The following EEF1AKMT3 variants were observed in gnomAD, a reference collection of about 807,000 sequenced individuals.
EEF1AKMT3 encodes the protein eEF1A-KMT3.
EEF1AKMT3 carries 17 observed loss-of-function variants against 17.8 expected under a neutral mutation model. The ratio of observed to expected loss-of-function variants is 0.96; its 90% CI spans 0.65 to 1.43. EEF1AKMT3 has a LOEUF of 1.43. Ranked by LOEUF, EEF1AKMT3 falls within the 40% of genes most tolerant of loss-of-function variation. The probability of loss-of-function intolerance (pLI) is 0.00; values close to 1 mark genes in which losing one functional copy is unlikely to be tolerated. For missense variants in EEF1AKMT3, 244 were observed against 285.8 expected (o/e 0.85, Z 1.06); for synonymous variants, 116 against 126.5 (o/e 0.92, Z 0.56).
rs1484580623 is a variant in EEF1AKMT3 at position 57,772,690 on chromosome 12, G to A, written c.-35G>A. The A allele has an allele frequency of 2.5e-6, 4 of 1,586,522 alleles. No homozygotes were observed. The highest frequency in any genetic ancestry group is 3.4e-6 in the Non-Finnish European group (4 of 1,166,116). ...GCTCCGGATCCGGGATCTGAGCGCC[G>A]GCCGCGGTGCCCAGGCACTCCCTTG... On this transcript the variant is annotated 5_prime_UTR_variant, in exon 1 of 3. Transcript: ENST00000300209. The surrounding 1 kb of genome is among the most constrained non-coding windows in gnomAD (Gnocchi z 4.1).
rs1955452994 is a variant in EEF1AKMT3, at chr12:57,772,957, C to G, written c.177+56C>G. 5 of 1,612,958 alleles carry G rather than the reference C, an allele frequency of 3.1e-6. No homozygotes were observed. In the Admixed American group the frequency reaches 8.3e-5, roughly 27 times the overall value. Reference sequence around the variant, plus strand: ...CGTGGGAGGTCCAGATCCCGGACTCCGCCTCTCCCATATGGAGCCATCCTC... The same window carrying G: ...CGTGGGAGGTCCAGATCCCGGACTCGGCCTCTCCCATATGGAGCCATCCTC... On this transcript the variant is annotated intron_variant, in intron 1 of 2. Transcript: ENST00000300209. The surrounding 1 kb of genome is among the most constrained non-coding windows in gnomAD (Gnocchi z 4.1).
intron 2 of EEF1AKMT3, among the ~76,000 whole-genome samples, chr12:57,776,905 C>T (rs1186484320): frequency 6.6e-6 from 1 of 152,172 alleles, no homozygotes; most frequent in Admixed American, 6.5e-5. Context: ...CCTGCCTTGG[C>T]CTCCCAAGGT....
In EEF1AKMT3 at chr12:57,780,354, C is replaced by T. The variant is rs373117884; in HGVS notation, c.389C>T (p.Ala130Val). The T allele has an allele frequency of 3.7e-6, 6 of 1,614,162 alleles. No individual in the cohort carries two copies. In the South Asian group the frequency reaches 5.5e-5, roughly 15 times the overall value. ...GCTGGAGGCCAGGCCCAGGTGCGTGCCTTGTCCTGGGGGATTGACCATCAT... is the reference window on the plus strand; with the variant it reads ...GCTGGAGGCCAGGCCCAGGTGCGTGTCTTGTCCTGGGGGATTGACCATCAT... ...VPAGGQAQVR[A>V]LSWGIDHHVF... Residue 130 changes from alanine (A) to valine (V), a missense_variant, in exon 3 of 3, where the codon GCC (alanine) becomes GTC (valine). Transcript: ENST00000300209.
intron 2 of EEF1AKMT3, 110 bp downstream of exon 2, chr12:57,773,238 C>G: frequency 9.9e-7 from 1 of 1,010,654 alleles, no homozygotes; most frequent in Admixed American, 2.4e-5. Context: ...CAGTCTAACC[C>G]CTTCTTTTTA....
At chr12:57,777,943 T>C (rs10877018) in intron 2 of EEF1AKMT3, among the ~76,000 whole-genome samples, 48,825 of 146,996 alleles carry the variant, frequency 0.33, 8,433 homozygotes, top group East Asian at 0.66. Context: ...TGCTTAAACC[T>C]GGGAGGCGGA....
Position 57,780,252 on chromosome 12 carries a change from C to A in EEF1AKMT3, c.290-3C>A, listed in dbSNP as rs1422612241. On this transcript the variant is annotated splice_polypyrimidine_tract_variant and splice_region_variant and intron_variant, in intron 2 of 2. Transcript: ENST00000300209. ...TGCATTTTTCCTCCTTCCTCTCTCT[C>A]AGGGGGGGATGTTACCATCACTGAC... is the stretch of plus-strand genomic sequence containing the variant. 7.5e-6 allele frequency: 12 copies of A among 1,610,458 alleles called. No homozygotes were observed. Among genetic ancestry groups the A allele is most frequent in the African/African-American group, 1.3e-5 (1 of 74,652 alleles).
In EEF1AKMT3 at chr12:57,780,372, A is replaced by G. The variant is rs776499535; in HGVS notation, c.407A>G (p.Asp136Gly). 12 of 1,613,994 alleles carry G rather than the reference A, an allele frequency of 7.4e-6. No individual in the cohort carries two copies. Among genetic ancestry groups the G allele is most frequent in the East Asian group, 4.5e-5 (2 of 44,876 alleles). The change falls in exon 3 of 3, where the codon GAC becomes GGC. Residue 136 changes from aspartate (D) to glycine (G), a missense_variant. Physicochemically the swap from Asp to Gly is moderately conservative, Grantham distance 94. Transcript: ENST00000300209. ...AQVRALSWGI[D>G]HHVFPANYDL... ...GTGCGTGCCTTGTCCTGGGGGATTG[A>G]CCATCATGTCTTCCCTGCAAACTAT...
chr12:57,779,655 C>T (rs1392581237), intron 2 of EEF1AKMT3, among the ~76,000 whole-genome samples: 1 of 136,964 alleles, frequency 7.3e-6, no homozygotes, highest in African/African-American at 2.5e-5. Flanking sequence ...CTAATCTGAC[C>T]ATCTTCACCC....
intron 2 of EEF1AKMT3, among the ~76,000 whole-genome samples, chr12:57,776,737 G>A (rs1046293383): frequency 3.3e-5 from 5 of 152,058 alleles, no homozygotes; most frequent in African/African-American, 1.2e-4. Flanking sequence ...TGCAACCTCT[G>A]CTTCCCAGGT....
intron 2 of EEF1AKMT3, among the ~76,000 whole-genome samples, chr12:57,779,700 G>A (rs909739736): frequency 2.6e-5 from 4 of 152,084 alleles, no homozygotes; most frequent in Non-Finnish European, 4.4e-5. Context: ...CCTCAGTATC[G>A]AACCTGAATC....
chr12:57,780,882 T>C lies in EEF1AKMT3; in HGVS notation c.*236T>C. On this transcript the variant is annotated 3_prime_UTR_variant, in exon 3 of 3. Coordinates refer to ENST00000300209, the MANE Select transcript of EEF1AKMT3 (RefSeq NM_015433.3). Reference sequence around the variant, plus strand: ...CACTAGTGTTAGAACACCAAGGAGGTTCCTGGCTCCTGTTCTCAGAGAAGG... The same window carrying C: ...CACTAGTGTTAGAACACCAAGGAGGCTCCTGGCTCCTGTTCTCAGAGAAGG... 1 of 573,432 alleles carries C rather than the reference T, an allele frequency of 1.7e-6. No homozygotes were observed. Among genetic ancestry groups the C allele is most frequent in the Non-Finnish European group, 3.0e-6 (1 of 328,260 alleles). The allele number at this position is 573,432 out of a possible 1,614,324, so 35.5% of individuals were successfully genotyped here. A position where few individuals can be genotyped will look rare whatever the true frequency, so the allele number is the denominator to read the frequency against.
rs1955511814 is a variant in EEF1AKMT3 at position 57,781,147 on chromosome 12, C to T, written c.*501C>T. Reference sequence around the variant, plus strand: ...GATCACAGCTCACTGCAGCCTCAACCTCTGAAGGCCCAGATGATCTTCCTG... The same window carrying T: ...GATCACAGCTCACTGCAGCCTCAACTTCTGAAGGCCCAGATGATCTTCCTG... On this transcript the variant is annotated 3_prime_UTR_variant, in exon 3 of 3. Transcript: ENST00000300209. 1 of 157,006 alleles carries T rather than the reference C, an allele frequency of 6.4e-6. No homozygotes were observed. Among genetic ancestry groups the T allele is most frequent in the African/African-American group, 2.4e-5 (1 of 41,090 alleles). The allele number at this position is 157,006 out of a possible 1,614,324, so 9.7% of individuals were successfully genotyped here. A position where few individuals can be genotyped will look rare whatever the true frequency, so the allele number is the denominator to read the frequency against.
intron 2 of EEF1AKMT3, among the ~76,000 whole-genome samples, chr12:57,773,500 T>A (rs543568553): frequency 6.6e-6 from 1 of 152,110 alleles, no homozygotes; most frequent in Non-Finnish European, 1.5e-5. Flanking sequence ...CTATCCCCAC[T>A]AACTGCAACC....
intron 2 of EEF1AKMT3, among the ~76,000 whole-genome samples, chr12:57,773,810 G>T (rs1955462796): frequency 6.6e-6 from 1 of 152,172 alleles, no homozygotes; most frequent in Non-Finnish European, 1.5e-5. Flanking sequence ...TGCACATATG[G>T]GGGTACTCTG....
At chr12:57,773,240 T>G in intron 2 of EEF1AKMT3, 112 bp downstream of exon 2, 1 of 980,640 alleles carries the variant, frequency 1.0e-6, no homozygotes, top group Non-Finnish European at 1.5e-6. Flanking sequence ...GTCTAACCCC[T>G]TCTTTTTAAC....
rs746889605 is a variant in EEF1AKMT3, at chr12:57,772,974, G to C, written c.178-43G>C. On this transcript the variant is annotated intron_variant, in intron 1 of 2. Transcript: ENST00000300209. This position sits in a 1 kb window ranked among gnomAD's most constrained non-coding sequence, Gnocchi z 4.1. ...CCGGACTCCGCCTCTCCCATATGGAGCCATCCTCACGACTGTCTTTTTCTC... is the reference window on the plus strand; with the variant it reads ...CCGGACTCCGCCTCTCCCATATGGACCCATCCTCACGACTGTCTTTTTCTC... 1.2e-6 allele frequency: 2 copies of C among 1,613,934 alleles called. No homozygotes were observed. The highest frequency in any genetic ancestry group is 1.1e-5 in the South Asian group (1 of 91,058).
chr12:57,774,515 G>C (rs1482671729), intron 2 of EEF1AKMT3: 1 of 596,802 alleles, frequency 1.7e-6, no homozygotes, highest in Non-Finnish European at 3.1e-6. Context: ...CCAGAGGCAG[G>C]CATTCATTCT....
rs1271196016 is a variant in EEF1AKMT3, at chr12:57,780,296, C to A, written c.331C>A (p.Gln111Lys). ...TITDLPLALE[Q>K]IQGNVQANVP... ...CACTGACCTGCCCCTGGCCCTAGAA[C>A]AGATCCAGGGCAACGTCCAGGCCAA... is the stretch of plus-strand genomic sequence containing the variant. Residue 111 changes from glutamine (Q) to lysine (K), a missense_variant, in exon 3 of 3, where the codon CAG becomes AAG. Coordinates refer to ENST00000300209, the MANE Select transcript of EEF1AKMT3 (RefSeq NM_015433.3). 7.4e-6 allele frequency: 12 copies of A among 1,614,130 alleles called. No homozygotes were observed. In the Admixed American group the frequency reaches 2.0e-4, roughly 27 times the overall value.
In EEF1AKMT3 at chr12:57,782,035, A is replaced by G. The variant is rs1194583545; in HGVS notation, c.*1389A>G. The stretch of plus-strand genomic sequence containing the variant: ...ATTGGACCTCTGGCCAAATTACAAA[A>G]GATGTACTCTTTGTTCTCTAAAACC... On this transcript the variant is annotated 3_prime_UTR_variant, in exon 3 of 3. Transcript: ENST00000300209. 3.9e-5 allele frequency: 6 copies of G among 152,356 alleles called. No individual in the cohort carries two copies. The highest frequency in any genetic ancestry group is 3.9e-4 in the Admixed American group (6 of 15,296). 9.4% of individuals were successfully genotyped at this position (152,356 alleles called of 1,614,324 possible).
Sources: gnomAD v4.1 joint callset for allele counts (sites outside exome capture counted in the v4.1 genomes callset) on GRCh38, gnomAD v4.1.1 for gene constraint, Gnocchi (gnomAD v3.1) non-coding constraint, MANE v1.5 for transcripts, NCBI Gene and HGNC (gene_info 2026-07-23, HGNC 2026-07-21) for gene names.